The following ZNF2 variants were observed in gnomAD, a reference collection of about 807,000 sequenced individuals.
ZNF2 encodes the protein zinc finger protein 2.2.
Under a neutral mutation model 21.9 loss-of-function variants are expected in ZNF2, and 12 were observed. The ratio of observed to expected loss-of-function variants is 0.55; its 90% confidence interval spans 0.35 to 0.89. ZNF2 has a LOEUF of 0.89. Ranked by LOEUF, ZNF2 falls within the 40% of genes least tolerant of loss-of-function variation. The pLI is 0.01. For missense variants in ZNF2, 462 were observed against 544.2 expected, an observed-to-expected ratio of 0.85 and a Z score of 1.50; for synonymous variants, 186 against 196.3, an observed-to-expected ratio of 0.95 and a Z score of 0.44.
Position 95,177,565 on chromosome 2 carries a change from A to G in ZNF2, c.116A>G (p.Tyr39Cys). 6.2e-7 allele frequency: 1 copy of G among 1,614,112 alleles called. No homozygotes were observed. Among genetic ancestry groups the G allele is most frequent in the Non-Finnish European group, 8.5e-7 (1 of 1,179,992 alleles). Residue 39 changes from tyrosine (Y) to cysteine (C), a missense_variant, in exon 3 of 5, where the codon TAC (tyrosine) becomes TGC (cysteine). Coordinates refer to ENST00000614034, the MANE Select transcript of ZNF2 (RefSeq NM_021088.4). ...CTGGTCCCCATACAGAGGGACCTCT[A>G]CAAGGAGGTGATGCTGGAGAACTAT... ...SRLVPIQRDL[Y>C]KEVMLENYNS... is the part of the protein sequence containing the mutation.
At chr2:95,169,520 C>T (rs768375504) in intron 1 of ZNF2, among the ~76,000 whole-genome samples, 1 of 152,142 alleles carries the variant, frequency 6.6e-6, no homozygotes, top group Non-Finnish European at 1.5e-5. Flanking sequence ...TTTGGGATGC[C>T]AAGGTGGGGA....
At chr2:95,167,027 C>T (rs1206867141) in intron 1 of ZNF2, among the ~76,000 whole-genome samples, 2 of 151,966 alleles carry the variant, frequency 1.3e-5, no homozygotes, top group Non-Finnish European at 2.9e-5. Context: ...ATGGCAAAAA[C>T]GAAGAAAGTA....
Position 95,181,632 on chromosome 2 carries a change from C to G in ZNF2, c.804C>G (p.Asp268Glu). Residue 268 changes from aspartate (D) to glutamate (E), a missense_variant, in exon 5 of 5, where the codon GAC becomes GAG. Physicochemically the swap from Asp to Glu is conservative, Grantham distance 45. Coordinates refer to ENST00000614034, the MANE Select transcript of ZNF2 (RefSeq NM_021088.4). ...QCNECGKAFF[D>E]RSSLTRHQRI... Reference sequence around the variant, plus strand: ...ACGAGTGTGGAAAAGCCTTTTTTGACCGTTCATCCCTTACTCGACACCAGA... The same window carrying G: ...ACGAGTGTGGAAAAGCCTTTTTTGAGCGTTCATCCCTTACTCGACACCAGA... The G allele has an allele frequency of 6.2e-7, 1 of 1,614,180 alleles. No homozygotes were observed.
intron 1 of ZNF2, among the ~76,000 whole-genome samples, chr2:95,168,460 A>T (rs1396109243): frequency 6.6e-6 from 1 of 151,388 alleles, no homozygotes; most frequent in African/African-American, 2.4e-5. Flanking sequence ...AAGTGCAGGG[A>T]CAAATTCTGA....
intron 1 of ZNF2, among the ~76,000 whole-genome samples, chr2:95,166,711 G>A (rs535076435): frequency 6.6e-6 from 1 of 152,286 alleles, no homozygotes; most frequent in East Asian, 1.9e-4. Flanking sequence ...AAAGGGCCTG[G>A]TGACTAGATT....
intron 1 of ZNF2, among the ~76,000 whole-genome samples, chr2:95,171,450 T>C (rs1369639494): frequency 6.6e-6 from 1 of 151,326 alleles, no homozygotes; most frequent in African/African-American, 2.4e-5. Flanking sequence ...TGGTGTGATC[T>C]CGGCTCACTG....
intron 3 of ZNF2, among the ~76,000 whole-genome samples, chr2:95,179,926 A>C (rs998576829): frequency 1.3e-5 from 2 of 151,804 alleles, no homozygotes; most frequent in Non-Finnish European, 2.9e-5. Flanking sequence ...GTGTGGTGGC[A>C]CCCGCCTATA....
chr2:95,181,825 A>G lies in ZNF2; in HGVS notation c.997A>G (p.Lys333Glu). The G allele has an allele frequency of 1.9e-6, 3 of 1,614,234 alleles. No homozygotes were observed. The highest frequency in any genetic ancestry group is 2.5e-6 in the Non-Finnish European group (3 of 1,180,052). ...YGVSSLNRHQKAHAGDPRYQC... is the reference protein window; with the variant it reads ...YGVSSLNRHQEAHAGDPRYQC... ...TGTCTCGTCTCTGAATAGACATCAG[A>G]AAGCTCATGCTGGGGACCCTCGCTA... is the stretch of plus-strand genomic sequence containing the variant. Residue 333 changes from lysine to glutamate, a missense_variant, in exon 5 of 5, where the codon AAA becomes GAA. By Grantham distance (56) the Lys-to-Glu change is moderately conservative (BLOSUM62 1). Coordinates refer to ENST00000614034, the MANE Select transcript of ZNF2 (RefSeq NM_021088.4).
Position 95,182,679 on chromosome 2 carries a change from G to C in ZNF2, c.*573G>C, listed in dbSNP as rs1022665600. On this transcript the variant is annotated 3_prime_UTR_variant, in exon 5 of 5. Transcript: ENST00000614034. ...ATCCTGTCACCAACCATATGAAGTAGGCACTGTTACCATCTGCATCTCCAG... is the reference window on the plus strand; with the variant it reads ...ATCCTGTCACCAACCATATGAAGTACGCACTGTTACCATCTGCATCTCCAG... The C allele has an allele frequency of 2.6e-5, 4 of 153,108 alleles. No individual in the cohort carries two copies. The highest frequency in any genetic ancestry group is 9.7e-5 in the African/African-American group (4 of 41,424). The allele number at this position is 153,108 out of a possible 1,614,324, so 9.5% of individuals were successfully genotyped here.
At chr2:95,176,104 A>C in intron 1 of ZNF2, 84 bp from the exon 2 acceptor site, 1 of 1,180,910 alleles carries the variant, frequency 8.5e-7, no homozygotes, top group Non-Finnish European at 1.3e-6. Flanking sequence ...TCCCCCTGGT[A>C]TGTGCTTCAT....
At chr2:95,167,505 C>CAAAAAAAAAAAA (rs756206050) in intron 1 of ZNF2, among the ~76,000 whole-genome samples, 1 of 44,914 alleles carries the variant, frequency 2.2e-5, no homozygotes, top group Admixed American at 2.1e-4. Flanking sequence ...GACTCAGTCT[C>CAAAAAAAAAAAA]AAAAAAAAAA....
Position 95,181,796 on chromosome 2 carries a change from ATGG to A in ZNF2, c.971_973del (p.Gly324del). On this transcript the variant is annotated inframe_deletion, in exon 5 of 5. Transcript: ENST00000614034. ...TGTAACGAGTGCGGGAAAGCTTTCT[ATGG>A]TGTCTCGTCTCTGAATAGACATCAG... 1 of 1,614,162 alleles carries A rather than the reference ATGG, an allele frequency of 6.2e-7. No individual in the cohort carries two copies.
chr2:95,167,787 C>T (rs1307973914), intron 1 of ZNF2, among the ~76,000 whole-genome samples: 1 of 148,456 alleles, frequency 6.7e-6, no homozygotes, highest in Non-Finnish European at 1.5e-5. Context: ...GTGGAGGTTG[C>T]AGTGAGCCGA....
chr2:95,168,277 T>G (rs1024329604), intron 1 of ZNF2, among the ~76,000 whole-genome samples: 12 of 151,900 alleles, frequency 7.9e-5, no homozygotes, highest in Non-Finnish European at 1.6e-4. Flanking sequence ...ATACAAAAAT[T>G]AGCTGGGCAT....
Position 95,177,597 on chromosome 2 carries a change from A to G in ZNF2, c.148A>G (p.Ile50Val), listed in dbSNP as rs1558714069. 1 of 1,613,850 alleles carries G rather than the reference A, an allele frequency of 6.2e-7. No individual in the cohort carries two copies. The highest frequency in any genetic ancestry group is 1.1e-5 in the South Asian group (1 of 91,052). ...GGTGATGCTGGAGAACTATAACAGC[A>G]TTGTGTCATTGGGTAAGGGGAGCCT... The part of the protein sequence containing the change: ...KEVMLENYNS[I>V]VSLGLPVPQP... The change falls in exon 3 of 5, where the codon ATT becomes GTT. Residue 50 changes from isoleucine (I) to valine (V), a missense_variant. Physicochemically the swap from Ile to Val is conservative, Grantham distance 29. Transcript: ENST00000614034.
chr2:95,175,340 G>T (rs1674404392), intron 1 of ZNF2, among the ~76,000 whole-genome samples: 1 of 152,212 alleles, frequency 6.6e-6, no homozygotes, highest in Admixed American at 6.5e-5. Flanking sequence ...CATGGGTGGT[G>T]CTAGGCGAGG....
chr2:95,174,792 G>A (rs979440812), intron 1 of ZNF2, among the ~76,000 whole-genome samples: 1 of 152,182 alleles, frequency 6.6e-6, no homozygotes, highest in African/African-American at 2.4e-5. Context: ...ATAGCTTCTG[G>A]AGGACAAAGA....
At chr2:95,172,391 C>CTGTGACTTTTCTGCACACCACCCTTCT (rs1295093991) in intron 1 of ZNF2, among the ~76,000 whole-genome samples, 1 of 152,150 alleles carries the variant, frequency 6.6e-6, no homozygotes, top group African/African-American at 2.4e-5. Flanking sequence ...CTCAGGTCTG[C>CTGTGACTTTTCTGCACACCACCCTTCT]TGTGACTTTT....
In ZNF2 at chr2:95,167,795, C is replaced by A. The variant is rs1445484706; in HGVS notation, c.-40+1935C>A. ...CCGAGAGGTGGAGGTTGCAGTGAGC[C>A]GAGATGATGCCATTGCTCTTCAGCC... On this transcript the variant is annotated intron_variant, in intron 1 of 4. Coordinates refer to ENST00000614034, the MANE Select transcript of ZNF2 (RefSeq NM_021088.4). Among the ~76,000 whole-genome samples, 6 of 148,502 alleles carry A rather than the reference C, an allele frequency of 4.0e-5. No individual in the cohort carries two copies. The East Asian group carries it at 9.9e-4, about 25-fold the overall frequency.
Sources: allele counts gnomAD v4.1 joint callset (sites outside exome capture counted in the v4.1 genomes callset), GRCh38; gene constraint gnomAD v4.1.1; transcripts MANE v1.5; gene names NCBI Gene and HGNC (gene_info 2026-07-23, HGNC 2026-07-21).